Variants in RAB33A observed in about 807,000 individuals in gnomAD.
RAB33A encodes RAB33A, member RAS oncogene family.
In RAB33A, 6 loss-of-function variants were observed where a neutral mutation model predicts 12.0. The observed-to-expected ratio is 0.50, with a 90% confidence interval of 0.27 to 0.99. The LOEUF is 0.99. Among genes scored for constraint, RAB33A ranks in the 50% least tolerant of loss-of-function variants. The pLI is 0.11. For missense variants in RAB33A, 109 were observed against 192.0 expected (o/e 0.57, Z 2.55); for synonymous variants, 70 against 82.4 (o/e 0.85, Z 0.81).
chrX:130,140,162 T>C, the RAB33A span, among the ~76,000 whole-genome samples: 1 of 112,568 alleles, frequency 8.9e-6, no homozygotes, highest in Admixed American at 9.4e-5. Flanking sequence ...TCATGAGGAT[T>C]TGCCAGCTAG....
At chrX:130,184,119 C>T (rs1368967356) in intron 1 of RAB33A, among the ~76,000 whole-genome samples, 166 bp from the exon 2 acceptor site, 1 of 112,271 alleles carries the variant, frequency 8.9e-6, no homozygotes, top group Admixed American at 9.4e-5. Context: ...AAATTCCTGA[C>T]CTCAGGTGAT....
At chrX:130,128,010 T>C in the RAB33A span, among the ~76,000 whole-genome samples, 3 of 111,491 alleles carry the variant, frequency 2.7e-5, no homozygotes, top group South Asian at 3.8e-4. Context: ...TTTCTACATA[T>C]AGATTTGGAT....
the RAB33A span, chrX:130,136,850 T>C: frequency 9.9e-7 from 1 of 1,014,960 alleles, no homozygotes; most frequent in Non-Finnish European, 1.4e-6. Flanking sequence ...ACAGGCAGTT[T>C]TGGAGAGCTG....
chrX:130,165,467 C>T, the RAB33A span: 8 of 811,747 alleles, frequency 9.9e-6, no homozygotes, highest in Non-Finnish European at 1.5e-5. Flanking sequence ...CTCGCGGGGA[C>T]GCGGGGGTAG....
chrX:130,133,061 C>T, the RAB33A span, among the ~76,000 whole-genome samples: 4 of 111,606 alleles, frequency 3.6e-5, no homozygotes, highest in Non-Finnish European at 5.6e-5. Flanking sequence ...GTCTAACATA[C>T]GCCAGACAGA....
chrX:130,165,799 A>T, the RAB33A span: 1 of 563,923 alleles, frequency 1.8e-6, no homozygotes, highest in Non-Finnish European at 3.1e-6. Context: ...CCGGGTGGGC[A>T]TTGGACAGAG....
chrX:130,129,073 A>G, the RAB33A span, among the ~76,000 whole-genome samples: 1 of 112,024 alleles, frequency 8.9e-6, no homozygotes, highest in Non-Finnish European at 1.9e-5. Context: ...AGGGAGACAC[A>G]TACACAAGGA....
At chrX:130,142,410 T>C in the RAB33A span, among the ~76,000 whole-genome samples, 1 of 111,391 alleles carries the variant, frequency 9.0e-6, no homozygotes, top group Non-Finnish European at 1.9e-5. Context: ...TTATGTTCTA[T>C]TGTATTGCAA....
the RAB33A span, among the ~76,000 whole-genome samples, chrX:130,119,362 T>G: frequency 8.9e-6 from 1 of 111,909 alleles, no homozygotes; most frequent in African/African-American, 3.3e-5. Flanking sequence ...ATTATCACAT[T>G]AACACAAATT....
upstream of RAB33A, among the ~76,000 whole-genome samples, chrX:130,169,768 CAT>C (rs921627048): frequency 3.6e-5 from 4 of 112,126 alleles, no homozygotes; most frequent in African/African-American, 1.3e-4. Flanking sequence ...TTATTATGTA[CAT>C]ATGTTTTTTT....
At chrX:130,139,894 C>G in the RAB33A span, 1 of 1,177,632 alleles carries the variant, frequency 8.5e-7, no homozygotes, top group Non-Finnish European at 1.2e-6. Context: ...GAAGGAAAAC[C>G]CTTTAGCCCA....
chrX:130,142,470 T>C, the RAB33A span, among the ~76,000 whole-genome samples: 3 of 111,337 alleles, frequency 2.7e-5, no homozygotes, highest in African/African-American at 9.8e-5. Flanking sequence ...CCATGAGGCA[T>C]GAGGGCTCCC....
the RAB33A span, among the ~76,000 whole-genome samples, chrX:130,157,134 A>T: frequency 1.8e-5 from 2 of 112,170 alleles, no homozygotes; most frequent in Non-Finnish European, 3.8e-5. Context: ...CAGAAAAAAA[A>T]ATTTTAATGA....
chrX:130,144,689 G>A, the RAB33A span, among the ~76,000 whole-genome samples: 4 of 111,523 alleles, frequency 3.6e-5, no homozygotes, highest in African/African-American at 6.5e-5. Flanking sequence ...AACATACTGC[G>A]CAGATCTCTC....
upstream of RAB33A, chrX:130,171,914 G>C: frequency 4.4e-6 from 3 of 688,963 alleles, no homozygotes; most frequent in Non-Finnish European, 6.2e-6. Flanking sequence ...CGCGCACACG[G>C]TGCCGGCGCA....
intron 1 of RAB33A, among the ~76,000 whole-genome samples, chrX:130,182,157 A>AAT (rs1300343120): frequency 0.019 from 857 of 44,411 alleles, 9 homozygotes; most frequent in East Asian, 0.066. Flanking sequence ...AAAAAAAAAA[A>AAT]ATATATATAT....
chrX:130,172,033 G>T lies in RAB33A; in HGVS notation c.-30G>T. On this transcript the variant is annotated 5_prime_UTR_variant, in exon 1 of 2. Coordinates refer to ENST00000257017, the MANE Select transcript of RAB33A (RefSeq NM_004794.3). ...TCTCTTTGTGTGGAGCCCTCAAGGGGGGTTGGGGCCCCGGTTCGGTCCGGG... is the reference window on the plus strand; with the variant it reads ...TCTCTTTGTGTGGAGCCCTCAAGGGTGGTTGGGGCCCCGGTTCGGTCCGGG... The T allele has an allele frequency of 8.4e-7, 1 of 1,187,142 alleles. No homozygotes were observed. The highest frequency in any genetic ancestry group is 2.4e-5 in the Admixed American group (1 of 42,472).
At chrX:130,155,980 A>G in the RAB33A span, among the ~76,000 whole-genome samples, 1 of 112,447 alleles carries the variant, frequency 8.9e-6, no homozygotes, top group African/African-American at 3.2e-5. Context: ...GTCTTTGGGT[A>G]AGATTCAGGG....
chrX:130,128,343 C>T, the RAB33A span, among the ~76,000 whole-genome samples: 11 of 111,386 alleles, frequency 9.9e-5, no homozygotes, highest in South Asian at 3.8e-4. Context: ...GAGGCCGAGG[C>T]GGGCAGATAA....
Sources: allele counts gnomAD v4.1 joint callset (sites outside exome capture counted in the v4.1 genomes callset), GRCh38; gene constraint gnomAD v4.1.1; transcripts MANE v1.5; gene names NCBI Gene and HGNC (gene_info 2026-07-23, HGNC 2026-07-21).